Variants in COL14A1 observed in about 807,000 individuals in gnomAD.
The protein encoded by COL14A1 is collagen alpha-1(XIV) chain.
In COL14A1, 136 loss-of-function variants were observed where a neutral mutation model predicts 230.3. The observed-to-expected ratio is 0.59, with a 90% CI of 0.51 to 0.68. The LOEUF (loss-of-function observed/expected upper bound fraction) is 0.68, where lower values mean the gene tolerates loss of function less well. COL14A1 is among the 30% of genes least tolerant of loss of function. The pLI, the probability that COL14A1 is intolerant of heterozygous loss-of-function variation, is 0.00. For missense variants in COL14A1, 1,976 were observed against 2,215.8 expected, an observed-to-expected ratio of 0.89 and a Z score of 2.17; for synonymous variants, 792 against 784.1, an observed-to-expected ratio of 1.01 and a Z score of -0.17.
intron 34 of COL14A1, among the ~76,000 whole-genome samples, chr8:120,293,851 C>A (rs1208836606): frequency 2.6e-5 from 4 of 151,492 alleles, no homozygotes; most frequent in Admixed American, 2.6e-4. Context: ...CTAATTAATA[C>A]CAACAAGTAC....
Position 120,160,264 on chromosome 8 carries a change from G to T in COL14A1, c.205+2018G>T, listed in dbSNP as rs180844247. On this transcript the variant is annotated intron_variant, in intron 3 of 47. Transcript: ENST00000297848. ...ATTCTTGAAGATTTATGATTCTAAA[G>T]GTCAAAATACAAGTTACTATTTTTT... is the stretch of plus-strand genomic sequence containing the variant. Among the ~76,000 whole-genome samples, 354 of 152,150 alleles carry T rather than the reference G, an allele frequency of 2.3e-3. 1 individual carries two copies. Among genetic ancestry groups the T allele is most frequent in the Middle Eastern group, 0.01 (3 of 294 alleles).
intron 19 of COL14A1, among the ~76,000 whole-genome samples, chr8:120,234,736 C>T (rs1042046850): frequency 2.6e-5 from 4 of 152,110 alleles, no homozygotes; most frequent in Admixed American, 6.6e-5. Context: ...TGAGGATTTT[C>T]GCATCAATGT....
chr8:120,238,000 G>A (rs1818500454), intron 19 of COL14A1, among the ~76,000 whole-genome samples: 1 of 152,152 alleles, frequency 6.6e-6, no homozygotes, highest in African/African-American at 2.4e-5. Flanking sequence ...CATCCCAGAG[G>A]GGCACCTGCC....
intron 42 of COL14A1, among the ~76,000 whole-genome samples, chr8:120,333,234 T>A (rs1481340627): frequency 6.6e-6 from 1 of 152,212 alleles, no homozygotes; most frequent in Non-Finnish European, 1.5e-5. Context: ...ATTCTTTGCC[T>A]CTGATTGTTG....
rs778737643 is a variant in COL14A1 at position 120,316,012 on chromosome 8, A to G, written c.4659+15A>G. 5 of 1,613,784 alleles carry G rather than the reference A, an allele frequency of 3.1e-6. No individual in the cohort carries two copies. In the East Asian group the frequency reaches 1.1e-4, roughly 36 times the overall value. ...CAGGCCAGAGGGTAAGGTCTTGCCC[A>G]AGGTTGGTTTTTAGCAAAGTAGTGA... On this transcript the variant is annotated intron_variant, in intron 40 of 47. Transcript: ENST00000297848.
chr8:120,359,427 T>C (rs948167532), intron 45 of COL14A1, among the ~76,000 whole-genome samples: 4 of 152,166 alleles, frequency 2.6e-5, no homozygotes, highest in African/African-American at 9.7e-5. Flanking sequence ...ACAGCTCACT[T>C]TTCCAACAGT....
chr8:120,186,520 C>T (rs1816656392), intron 5 of COL14A1, among the ~76,000 whole-genome samples: 1 of 152,160 alleles, frequency 6.6e-6, no homozygotes, highest in South Asian at 2.1e-4. Flanking sequence ...GGTTTTCTGA[C>T]TGAGGTTAAG....
Position 120,266,870 on chromosome 8 carries a change from A to C in COL14A1, c.3060A>C (p.Pro1020=), listed in dbSNP as rs981933250. Residue 1020 remains proline (P), a synonymous_variant, in exon 25 of 48, where the codon CCA becomes CCC. Coordinates refer to ENST00000297848, the MANE Select transcript of COL14A1 (RefSeq NM_021110.4). ...TRPPTFPPTI[P]PAKEVCKAAK... Reference sequence around the variant, plus strand: ...CACCAACTTTTCCTCCAACCATTCCACCAGCAAAAGAAGGTAAAAGAATAA... The same window carrying C: ...CACCAACTTTTCCTCCAACCATTCCCCCAGCAAAAGAAGGTAAAAGAATAA... The C allele has an allele frequency of 1.2e-6, 2 of 1,611,392 alleles. No individual in the cohort carries two copies. Among genetic ancestry groups the C allele is most frequent in the Admixed American group, 1.7e-5 (1 of 59,888 alleles).
intron 45 of COL14A1, among the ~76,000 whole-genome samples, chr8:120,350,498 C>T (rs997434884): frequency 2.7e-5 from 4 of 150,108 alleles, no homozygotes; most frequent in African/African-American, 7.4e-5. Context: ...ACCCATCTCA[C>T]GTGCAGAGAC....
chr8:120,133,552 A>G (rs143121922), intron 1 of COL14A1, among the ~76,000 whole-genome samples: 1 of 152,298 alleles, frequency 6.6e-6, no homozygotes, highest in African/African-American at 2.4e-5. Context: ...ATTCTTCATA[A>G]CTACTACAAT....
rs764244260 is a variant in COL14A1 at position 120,243,918 on chromosome 8, C to T, written c.2389C>T (p.Pro797Ser). 1 of 1,613,698 alleles carries T rather than the reference C, an allele frequency of 6.2e-7. No homozygotes were observed. Among genetic ancestry groups the T allele is most frequent in the East Asian group, 2.2e-5 (1 of 44,872 alleles). ...PGSQNNLLLK[P>S]LLPDTEYKVT... Reference sequence around the variant, plus strand: ...AAGCCAGAACAACCTCCTTCTGAAGCCTCTGCTTCCTGATACTGAATACAA... The same window carrying T: ...AAGCCAGAACAACCTCCTTCTGAAGTCTCTGCTTCCTGATACTGAATACAA... The change falls in exon 20 of 48, where the codon CCT becomes TCT. Residue 797 changes from proline to serine, a missense_variant. Transcript: ENST00000297848.
intron 22 of COL14A1, among the ~76,000 whole-genome samples, chr8:120,251,909 C>G (rs1311061444): frequency 6.6e-6 from 1 of 151,888 alleles, no homozygotes; most frequent in African/African-American, 2.4e-5. Flanking sequence ...TTTTGCTACT[C>G]TTTTTCTATC....
At chr8:120,268,648 T>A (rs954286322) in intron 25 of COL14A1, among the ~76,000 whole-genome samples, 1 of 151,806 alleles carries the variant, frequency 6.6e-6, no homozygotes, top group South Asian at 2.1e-4. Context: ...CCAATAAATT[T>A]GTATTATTAA....
At chr8:120,325,642 C>G (rs7836649) in intron 40 of COL14A1, among the ~76,000 whole-genome samples, 152,235 of 152,248 alleles carry the variant, frequency 1, 76,111 homozygotes, top group Middle Eastern at 1. Flanking sequence ...ACAGGCGTAA[C>G]GTACCGCACC....
chr8:120,263,367 A>G (rs1443103513), intron 24 of COL14A1, among the ~76,000 whole-genome samples: 1 of 152,174 alleles, frequency 6.6e-6, no homozygotes. Context: ...TCTGACATTA[A>G]AACAATGGCA....
At chr8:120,335,573 G>T (rs1393109648) in intron 42 of COL14A1, among the ~76,000 whole-genome samples, 1 of 152,136 alleles carries the variant, frequency 6.6e-6, no homozygotes, top group African/African-American at 2.4e-5. Flanking sequence ...TGGTGTTAAG[G>T]CCTGGATTGA....
At chr8:120,153,482 G>A (rs1215905806) in intron 2 of COL14A1, among the ~76,000 whole-genome samples, 2 of 152,124 alleles carry the variant, frequency 1.3e-5, no homozygotes, top group Admixed American at 6.5e-5. Context: ...ACTGTACCCC[G>A]CCAATAATCA....
chr8:120,316,318 T>TTTG (rs1821231934), intron 40 of COL14A1, among the ~76,000 whole-genome samples: 4 of 152,088 alleles, frequency 2.6e-5, no homozygotes, highest in African/African-American at 9.7e-5. Context: ...CCTTGAGGCA[T>TTTG]AAATGTAAAG....
intron 4 of COL14A1, among the ~76,000 whole-genome samples, chr8:120,166,889 T>TGTGTGTG (rs1200535587): frequency 1.4e-5 from 2 of 147,218 alleles, no homozygotes; most frequent in Non-Finnish European, 3.0e-5. Context: ...TGTGTGTGTG[T>TGTGTGTG]GTGTGTGTGT....
Sources: allele counts gnomAD v4.1 joint callset (sites outside exome capture counted in the v4.1 genomes callset), GRCh38; gene constraint gnomAD v4.1.1; transcripts MANE v1.5; gene names NCBI Gene and HGNC (gene_info 2026-07-23, HGNC 2026-07-21).